Variants in FMNL2 observed in about 807,000 individuals in gnomAD.
FMNL2 encodes formin-like protein 2.
FMNL2 carries 51 observed loss-of-function variants against 130.2 expected under a neutral mutation model. The observed-to-expected ratio is 0.39, with a 90% confidence interval of 0.31 to 0.49. The LOEUF (loss-of-function observed/expected upper bound fraction) is 0.49, where lower values mean the gene tolerates loss of function less well. FMNL2 is among the 20% of genes least tolerant of loss of function. The pLI is 0.85. For missense variants in FMNL2, 977 were observed against 1,316.2 expected (o/e 0.74, Z 3.99); for synonymous variants, 465 against 467.1 (o/e 1.00, Z 0.06).
chr2:152,347,928 G>T (rs1458961520), intron 1 of FMNL2, among the ~76,000 whole-genome samples: 1 of 148,170 alleles, frequency 6.7e-6, no homozygotes, highest in Admixed American at 6.7e-5. Context: ...TAACTTGGAA[G>T]TTTTTTTTTT....
At chr2:152,476,392 T>A (rs1690153802) in intron 1 of FMNL2, among the ~76,000 whole-genome samples, 3 of 152,180 alleles carry the variant, frequency 2.0e-5, no homozygotes, top group Admixed American at 2.0e-4. Context: ...TGTAGAAGGC[T>A]GGGCATAGTG....
At chr2:152,636,361 A>C (rs1485362414) in intron 21 of FMNL2, 66 bp from the exon 22 acceptor site, 2 of 1,518,346 alleles carry the variant, frequency 1.3e-6, no homozygotes, top group Non-Finnish European at 1.8e-6. Flanking sequence ...TTGGCCCAGC[A>C]GCCAGATTCG....
chr2:152,558,925 G>A, intron 5 of FMNL2, 102 bp downstream of exon 5: 2 of 1,036,154 alleles, frequency 1.9e-6, no homozygotes, highest in East Asian at 2.6e-5. Context: ...AAACTCAGAA[G>A]CAGATGTGCT....
chr2:152,576,334 T>C (rs1696480022), intron 7 of FMNL2, among the ~76,000 whole-genome samples: 1 of 152,180 alleles, frequency 6.6e-6, no homozygotes, highest in South Asian at 2.1e-4. Flanking sequence ...CCAGGGAACT[T>C]ACTTTCCAGG....
At chr2:152,337,234 C>T (rs894515607) in intron 1 of FMNL2, among the ~76,000 whole-genome samples, 17 of 152,204 alleles carry the variant, frequency 1.1e-4, no homozygotes, top group African/African-American at 3.4e-4. Flanking sequence ...GCATAACTCT[C>T]AAGGCGGCCT....
intron 1 of FMNL2, among the ~76,000 whole-genome samples, chr2:152,459,570 C>G (rs1011563069): frequency 6.6e-6 from 1 of 152,070 alleles, no homozygotes; most frequent in African/African-American, 2.4e-5. Flanking sequence ...ATTACTTTTC[C>G]TATCAACTTT....
chr2:152,468,971 T>A (rs1689707359), intron 1 of FMNL2, among the ~76,000 whole-genome samples: 1 of 152,224 alleles, frequency 6.6e-6, no homozygotes, highest in Non-Finnish European at 1.5e-5. Context: ...CCACATAACA[T>A]ACACAATGCT....
intron 1 of FMNL2, among the ~76,000 whole-genome samples, chr2:152,472,124 C>T (rs989258698): frequency 1.3e-5 from 2 of 152,112 alleles, no homozygotes; most frequent in Non-Finnish European, 1.5e-5. Flanking sequence ...TTCATTGCTT[C>T]GATTAATATA....
At chr2:152,530,071 C>T (rs1693606016) in intron 2 of FMNL2, among the ~76,000 whole-genome samples, 1 of 152,174 alleles carries the variant, frequency 6.6e-6, no homozygotes, top group Non-Finnish European at 1.5e-5. Flanking sequence ...CACTCCCACC[C>T]CACCTTTTAA....
In FMNL2 at chr2:152,628,516, A is replaced by G. The variant is rs751727261; in HGVS notation, c.2383A>G (p.Ile795Val). The G allele has an allele frequency of 3.7e-6, 6 of 1,614,016 alleles. No individual in the cohort carries two copies. Among genetic ancestry groups the G allele is most frequent in the Middle Eastern group, 1.6e-4 (1 of 6,062 alleles). Residue 795 changes from isoleucine (I) to valine (V), a missense_variant, in exon 18 of 26, where the codon ATT becomes GTT. Physicochemically the swap from Ile to Val is conservative, Grantham distance 29. This residue lies in a region of FMNL2 where 689 missense variants were observed against 995.9 expected (regional missense o/e 0.69). Coordinates refer to ENST00000288670, the MANE Select transcript of FMNL2 (RefSeq NM_052905.4). Reference protein sequence around the residue: ...MAFIGNFAESIQMLTPQLHAI... With the variant: ...MAFIGNFAESVQMLTPQLHAI... ...CTTCATTGGGAACTTTGCTGAAAGC[A>G]TTCAGATGCTGACTCCTGTGAGTGG...
In FMNL2 at chr2:152,644,773, A is replaced by G. The variant is rs79088672; in HGVS notation, c.3170-3023A>G. Among the ~76,000 whole-genome samples the G allele has an allele frequency of 6.2e-3, 948 of 152,306 alleles. 8 individuals carry two copies. Among genetic ancestry groups the G allele is most frequent in the Middle Eastern group, 0.02 (6 of 294 alleles). On this transcript the variant is annotated intron_variant, in intron 25 of 25. Coordinates refer to ENST00000288670, the MANE Select transcript of FMNL2 (RefSeq NM_052905.4). ...TTGACCTGCTTCTTTGGTCAGGATGATGGCACCAGAAATACTAACAGCAAA... is the reference window on the plus strand; with the variant it reads ...TTGACCTGCTTCTTTGGTCAGGATGGTGGCACCAGAAATACTAACAGCAAA...
chr2:152,427,553 A>C (rs1215277305), intron 1 of FMNL2, among the ~76,000 whole-genome samples: 1 of 152,232 alleles, frequency 6.6e-6, no homozygotes, highest in Non-Finnish European at 1.5e-5. Context: ...TTAAAAAATA[A>C]ATAAATAAAA....
chr2:152,639,583 TA>T (rs1158651647), intron 23 of FMNL2, among the ~76,000 whole-genome samples: 1 of 152,202 alleles, frequency 6.6e-6, no homozygotes, highest in Non-Finnish European at 1.5e-5. Flanking sequence ...AGAAGAATCT[TA>T]GATCCTGCTA....
chr2:152,389,992 T>A, intron 1 of FMNL2: 1 of 1,506,376 alleles, frequency 6.6e-7, no homozygotes, highest in Non-Finnish European at 9.2e-7. Context: ...GCAGAGAGGC[T>A]GCAGCTAGAG....
At position 152,629,685 on chromosome 2, in the gene FMNL2, C is replaced by G. The variant is rs931562695; in HGVS notation, c.2430C>G (p.Val810=). 6.2e-7 allele frequency: 1 copy of G among 1,602,848 alleles called. No individual in the cohort carries two copies. The highest frequency in any genetic ancestry group is 8.5e-7 in the Non-Finnish European group (1 of 1,174,064). The change falls in exon 19 of 26, where the codon GTC becomes GTG. Residue 810 remains valine, a synonymous_variant. Coordinates refer to ENST00000288670, the MANE Select transcript of FMNL2 (RefSeq NM_052905.4). ...TACATGCGATTATAGCAGCATCTGT[C>G]TCTATAAAGTCGTCCCAAAAACTCA... ...PQLHAIIAAS[V]SIKSSQKLKK...
intron 9 of FMNL2, among the ~76,000 whole-genome samples, chr2:152,583,188 G>C (rs1696887277): frequency 2.0e-5 from 3 of 152,156 alleles, no homozygotes; most frequent in Admixed American, 1.3e-4. Context: ...TGAATTCTTA[G>C]AGCTTTAACC....
At chr2:152,508,340 C>T (rs1471503281) in intron 1 of FMNL2, among the ~76,000 whole-genome samples, 2 of 152,074 alleles carry the variant, frequency 1.3e-5, no homozygotes, top group Admixed American at 1.3e-4. Context: ...TGTCACTTCT[C>T]TATAAAACCT....
At chr2:152,350,017 G>A (rs558664891) in intron 1 of FMNL2, among the ~76,000 whole-genome samples, 15 of 152,166 alleles carry the variant, frequency 9.9e-5, no homozygotes, top group Non-Finnish European at 1.6e-4. Flanking sequence ...ATGGGAGGGC[G>A]TAGAGGGGGA....
chr2:152,639,870 C>G (rs1273355300), intron 23 of FMNL2, 88 bp from the exon 24 acceptor site: 56 of 1,140,414 alleles, frequency 4.9e-5, no homozygotes, highest in Non-Finnish European at 6.7e-5. Flanking sequence ...TCTCAACTCA[C>G]TAAGGATGCT....
Sources: gnomAD v4.1 joint callset for allele counts (sites outside exome capture counted in the v4.1 genomes callset) on GRCh38, gnomAD v4.1.1 for gene constraint, gnomAD v4.1.1 regional missense constraint, MANE v1.5 for transcripts, NCBI Gene and HGNC (gene_info 2026-07-23, HGNC 2026-07-21) for gene names.